The following GRM8 variants were observed in gnomAD, a reference collection of about 807,000 sequenced individuals.
GRM8 encodes the protein metabotropic glutamate receptor 8.
In GRM8, 47 loss-of-function variants were observed where a neutral mutation model predicts 87.2. The observed-to-expected ratio is 0.54, with a 90% CI of 0.43 to 0.69. The LOEUF (loss-of-function observed/expected upper bound fraction) is 0.69. Ranked by LOEUF, GRM8 falls within the 30% of genes least tolerant of loss-of-function variation. The pLI, the probability that GRM8 is intolerant of heterozygous loss-of-function variation, is 0.00. For synonymous variants in GRM8, 396 were observed against 404.5 expected (o/e 0.98, Z 0.25); for missense variants, 1,019 against 1,139.2 (o/e 0.89, Z 1.52).
chr7:126,896,310 G>C (rs537385533), intron 6 of GRM8, among the ~76,000 whole-genome samples: 1 of 151,906 alleles, frequency 6.6e-6, no homozygotes, highest in Non-Finnish European at 1.5e-5. Flanking sequence ...CGAAGAACAA[G>C]AGCATATGGA....
In GRM8 at chr7:126,533,628, A is replaced by G; in HGVS notation, c.1754T>C (p.Val585Ala). 2 of 1,614,140 alleles carry G rather than the reference A, an allele frequency of 1.2e-6. No individual in the cohort carries two copies. Residue 585 changes from valine to alanine, a missense_variant, in exon 9 of 11, where the codon GTG becomes GCG. Val to Ala is a moderately conservative substitution (Grantham distance 64, BLOSUM62 0). Transcript: ENST00000339582. ...IKLEWHSPWA[V>A]VPVFVAILGI... ...CAATATTGCAACAAACACAGGCACC[A>G]CAGCCCAGGGAGAATGCCACTCCAA...
intron 6 of GRM8, among the ~76,000 whole-genome samples, chr7:126,836,588 T>C (rs1265071099): frequency 6.6e-6 from 1 of 152,114 alleles, no homozygotes; most frequent in Non-Finnish European, 1.5e-5. Flanking sequence ...ATCCTACTTA[T>C]CTAGCACTCT....
chr7:127,143,075 C>G (rs1054068738), intron 2 of GRM8, among the ~76,000 whole-genome samples: 3 of 152,162 alleles, frequency 2.0e-5, no homozygotes, highest in African/African-American at 7.2e-5. Flanking sequence ...CATTCCCCTT[C>G]TCCCTTTCAA....
chr7:126,688,901 A>G (rs1044709686), intron 7 of GRM8, among the ~76,000 whole-genome samples: 1 of 152,080 alleles, frequency 6.6e-6, no homozygotes, highest in Admixed American at 6.5e-5. Flanking sequence ...AAAAAGGTTC[A>G]CACCTTTTTT....
chr7:127,212,069 A>G (rs1394695103), intron 2 of GRM8, among the ~76,000 whole-genome samples: 2 of 152,330 alleles, frequency 1.3e-5, no homozygotes, highest in East Asian at 3.9e-4. Context: ...TCTCCCTTAC[A>G]TAATAGTCAC....
At chr7:126,556,729 T>A (rs1055772113) in intron 8 of GRM8, among the ~76,000 whole-genome samples, 1 of 152,194 alleles carries the variant, frequency 6.6e-6, no homozygotes, top group Non-Finnish European at 1.5e-5. Flanking sequence ...CTTGTAAATG[T>A]CAGTCATGGT....
At chr7:126,806,943 C>T (rs1313961388) in intron 6 of GRM8, among the ~76,000 whole-genome samples, 1 of 152,178 alleles carries the variant, frequency 6.6e-6, no homozygotes, top group Non-Finnish European at 1.5e-5. Flanking sequence ...CAGAGAGGGG[C>T]CCCCACAGCT....
chr7:126,904,591 T>C lies in GRM8; in HGVS notation c.820A>G (p.Asn274Asp). Residue 274 changes from asparagine (N) to aspartate (D), a missense_variant, in exon 4 of 11, where the codon AAT becomes GAT. Asn to Asp is a conservative substitution (Grantham distance 23). Coordinates refer to ENST00000339582, the MANE Select transcript of GRM8 (RefSeq NM_000845.3). Reference protein sequence around the residue: ...KIIKRLLETPNARAVIMFANE... With the variant: ...KIIKRLLETPDARAVIMFANE... ...GCAAACATAATCACTGCTCGAGCAT[T>C]AGGTGTTTCTAGCAGGCGTTTGATA... The C allele has an allele frequency of 6.2e-7, 1 of 1,613,410 alleles. No individual in the cohort carries two copies. The highest frequency in any genetic ancestry group is 8.5e-7 in the Non-Finnish European group (1 of 1,179,402).
At chr7:126,612,609 G>T (rs1180203782) in intron 7 of GRM8, among the ~76,000 whole-genome samples, 1 of 152,166 alleles carries the variant, frequency 6.6e-6, no homozygotes, top group Non-Finnish European at 1.5e-5. Context: ...TTATTGCACA[G>T]ATACTTTTTT....
intron 7 of GRM8, among the ~76,000 whole-genome samples, chr7:126,751,888 G>A (rs574997397): frequency 4.8e-4 from 73 of 152,214 alleles, no homozygotes; most frequent in African/African-American, 1.7e-3. Context: ...AGAAAAGCTA[G>A]GAGGCCTGAA....
chr7:126,618,348 C>T (rs58445004), intron 7 of GRM8, among the ~76,000 whole-genome samples: 5,635 of 152,240 alleles, frequency 0.037, 270 homozygotes, highest in African/African-American at 0.11. Context: ...AACTGGATCC[C>T]TTCCTTACAC....
intron 6 of GRM8, among the ~76,000 whole-genome samples, chr7:126,775,344 G>A (rs1157532285): frequency 6.6e-6 from 1 of 152,022 alleles, no homozygotes; most frequent in African/African-American, 2.4e-5. Flanking sequence ...AGACTGTCAT[G>A]CTTTACATTG....
chr7:126,940,480 G>A (rs1433696198), intron 3 of GRM8, among the ~76,000 whole-genome samples: 1 of 152,136 alleles, frequency 6.6e-6, no homozygotes, highest in Non-Finnish European at 1.5e-5. Context: ...TCACTGGAAT[G>A]GTTAAAATTG....
At chr7:126,871,680 C>A (rs571155474) in intron 6 of GRM8, among the ~76,000 whole-genome samples, 1 of 152,270 alleles carries the variant, frequency 6.6e-6, no homozygotes, top group African/African-American at 2.4e-5. Context: ...GTCAATTTTA[C>A]AACATCTTGT....
At chr7:126,824,055 G>GT (rs1425853828) in intron 6 of GRM8, among the ~76,000 whole-genome samples, 1 of 151,986 alleles carries the variant, frequency 6.6e-6, no homozygotes, top group Non-Finnish European at 1.5e-5. Context: ...TAGATTCCAT[G>GT]TTACCAGTCA....
chr7:127,183,178 T>C (rs1794562977), intron 2 of GRM8, among the ~76,000 whole-genome samples: 1 of 151,660 alleles, frequency 6.6e-6, no homozygotes, highest in African/African-American at 2.4e-5. Flanking sequence ...TCAGGAAAAA[T>C]ACTTAAATAA....
chr7:126,627,706 A>C (rs1463345023), intron 7 of GRM8, among the ~76,000 whole-genome samples: 1 of 152,112 alleles, frequency 6.6e-6, no homozygotes, highest in Non-Finnish European at 1.5e-5. Context: ...CATCAGTTTA[A>C]GAAAGTCCCT....
At chr7:126,722,806 A>C (rs1762966750) in intron 7 of GRM8, among the ~76,000 whole-genome samples, 1 of 147,042 alleles carries the variant, frequency 6.8e-6, no homozygotes, top group South Asian at 2.1e-4. Flanking sequence ...GAACTTCATA[A>C]TCTTTAAGGA....
intron 9 of GRM8, among the ~76,000 whole-genome samples, chr7:126,490,825 A>G (rs1008920432): frequency 6.6e-6 from 1 of 152,094 alleles, no homozygotes; most frequent in African/African-American, 2.4e-5. Flanking sequence ...CTTTTCATAT[A>G]GGTGATCTCT....
Sources: gnomAD v4.1 joint callset for allele counts (sites outside exome capture counted in the v4.1 genomes callset) on GRCh38, gnomAD v4.1.1 for gene constraint, MANE v1.5 for transcripts, NCBI Gene and HGNC (gene_info 2026-07-23, HGNC 2026-07-21) for gene names.